The following CDIN1 variants were observed in gnomAD, a reference collection of about 807,000 sequenced individuals.
The protein encoded by CDIN1 is CDAN1-interacting nuclease 1.
A neutral mutation model predicts 45.3 loss-of-function variants in CDIN1; 33 were observed. The ratio of observed to expected loss-of-function variants is 0.73; its 90% CI spans 0.55 to 0.97. CDIN1 has a LOEUF of 0.97. Among genes scored for constraint, CDIN1 ranks in the 50% least tolerant of loss-of-function variants. CDIN1 has a pLI of 0.00. For missense variants in CDIN1, 303 were observed against 339.4 expected, an observed-to-expected ratio of 0.89 and a Z score of 0.84; for synonymous variants, 118 against 124.4, an observed-to-expected ratio of 0.95 and a Z score of 0.34.
chr15:36,618,504 A>G, intron 1 of CDIN1: 1 of 1,228,498 alleles, frequency 8.1e-7, no homozygotes, highest in Non-Finnish European at 1.2e-6. Context: ...AGCCTCCAAC[A>G]CCAAAGTTTG....
intron 10 of CDIN1, among the ~76,000 whole-genome samples, chr15:36,748,865 T>C (rs1253514494): frequency 6.6e-6 from 1 of 152,202 alleles, no homozygotes; most frequent in Non-Finnish European, 1.5e-5. Flanking sequence ...TGTAATCTCT[T>C]GAAAGGAGTT....
rs1384841216 is a variant in CDIN1 at position 36,684,852 on chromosome 15, C to G, written c.347-6833C>G. On this transcript the variant is annotated intron_variant, in intron 5 of 10. Transcript: ENST00000566621. ...AATTTATCCATTTCTTCTAGATTTT[C>G]TAGTTTATTTGCGTAGAGGTGTTTG... Among the ~76,000 whole-genome samples the G allele has an allele frequency of 2.7e-5, 4 of 149,520 alleles. No individual in the cohort carries two copies. In the East Asian group the frequency reaches 7.9e-4, roughly 30 times the overall value.
chr15:36,588,158 G>A (rs948383382), intron 1 of CDIN1, among the ~76,000 whole-genome samples: 8 of 152,114 alleles, frequency 5.3e-5, no homozygotes, highest in Non-Finnish European at 1.0e-4. Flanking sequence ...GAACATGTAA[G>A]ATTTGATTAT....
At chr15:36,771,753 C>A (rs1037670389) in intron 10 of CDIN1, among the ~76,000 whole-genome samples, 2 of 152,108 alleles carry the variant, frequency 1.3e-5, no homozygotes, top group African/African-American at 2.4e-5. Context: ...CATAGTGAAA[C>A]CCCGTCTCTA....
At chr15:36,580,837 G>A (rs2037008513) in intron 1 of CDIN1, among the ~76,000 whole-genome samples, 1 of 152,204 alleles carries the variant, frequency 6.6e-6, no homozygotes, top group African/African-American at 2.4e-5. Context: ...CACTGAGCAT[G>A]GTTATTCCTA....
intron 10 of CDIN1, among the ~76,000 whole-genome samples, chr15:36,764,452 A>C (rs895983435): frequency 1.3e-5 from 2 of 152,134 alleles, no homozygotes; most frequent in Non-Finnish European, 2.9e-5. Context: ...CTTTGGATTC[A>C]GTTTTTAAAG....
At chr15:36,644,253 T>A in intron 1 of CDIN1, 25 bp from the exon 2 acceptor site, 1 of 1,612,408 alleles carries the variant, frequency 6.2e-7, no homozygotes, top group Non-Finnish European at 8.5e-7. Flanking sequence ...AGTAATTAAC[T>A]TTGTCCTTCT....
intron 10 of CDIN1, among the ~76,000 whole-genome samples, chr15:36,805,862 T>C (rs745331244): frequency 1.3e-5 from 2 of 152,190 alleles, no homozygotes; most frequent in Non-Finnish European, 2.9e-5. Flanking sequence ...TGTCACCCTC[T>C]AAAGTCCTTA....
At chr15:36,766,981 T>G (rs937529605) in intron 10 of CDIN1, among the ~76,000 whole-genome samples, 2 of 152,212 alleles carry the variant, frequency 1.3e-5, no homozygotes, top group African/African-American at 4.8e-5. Context: ...TTACCTGTGC[T>G]TTTGGTGTCA....
intron 5 of CDIN1, among the ~76,000 whole-genome samples, chr15:36,688,460 A>G (rs1354465439): frequency 6.6e-6 from 1 of 152,156 alleles, no homozygotes; most frequent in East Asian, 1.9e-4. Flanking sequence ...AGTCTCTCCT[A>G]TTCTTGTGAA....
Position 36,692,304 on chromosome 15 carries a change from A to T in CDIN1, c.476+129A>T, listed in dbSNP as rs72706752. The T allele has an allele frequency of 5.9e-3, 4,921 of 827,694 alleles. 30 individuals carry two copies. The highest frequency in any genetic ancestry group is 7.9e-3 in the Non-Finnish European group (4,244 of 534,878). The allele number at this position is 827,694 out of a possible 1,614,324, so 51.3% of individuals were successfully genotyped here. ...TTTCATACTCTTCTATTTTACATTC[A>T]ATCAACTGGAGGGTCACTACAGACC... is the stretch of plus-strand genomic sequence containing the variant. On this transcript the variant is annotated intron_variant, in intron 7 of 10. Transcript: ENST00000566621.
chr15:36,615,054 T>C (rs1401891298), intron 1 of CDIN1, among the ~76,000 whole-genome samples: 1 of 152,226 alleles, frequency 6.6e-6, no homozygotes, highest in African/African-American at 2.4e-5. Flanking sequence ...ATTACCCTTT[T>C]CTGGGTTTGA....
At chr15:36,666,357 A>G (rs1034480007) in intron 5 of CDIN1, among the ~76,000 whole-genome samples, 9 of 152,164 alleles carry the variant, frequency 5.9e-5, no homozygotes, top group African/African-American at 1.7e-4. Flanking sequence ...TTTACAGCTA[A>G]GTTGATTAGC....
intron 5 of CDIN1, among the ~76,000 whole-genome samples, chr15:36,666,702 A>C (rs999459815): frequency 1.3e-5 from 2 of 152,168 alleles, no homozygotes; most frequent in African/African-American, 4.8e-5. Context: ...AAACTTCCCT[A>C]TTCCATGAAT....
chr15:36,708,640 C>T (rs2042952794), intron 8 of CDIN1: 2 of 151,938 alleles, frequency 1.3e-5, no homozygotes, highest in South Asian at 2.1e-4. Flanking sequence ...TTCAGAATTA[C>T]ATATTGTTAT....
intron 1 of CDIN1, among the ~76,000 whole-genome samples, chr15:36,639,315 A>T (rs1448293227): frequency 1.3e-5 from 2 of 152,294 alleles, no homozygotes; most frequent in East Asian, 1.9e-4. Context: ...TAATAAAAAT[A>T]AAAAACCAGG....
At chr15:36,682,560 G>A (rs892294853) in intron 5 of CDIN1, among the ~76,000 whole-genome samples, 1 of 149,500 alleles carries the variant, frequency 6.7e-6, no homozygotes, top group South Asian at 2.1e-4. Context: ...GATTGCTTGA[G>A]CCCAAGAGTT....
At chr15:36,690,305 G>A (rs568381506) in intron 5 of CDIN1, among the ~76,000 whole-genome samples, 66 of 149,792 alleles carry the variant, frequency 4.4e-4, no homozygotes, top group African/African-American at 1.3e-3. Flanking sequence ...GTCTCGCTCC[G>A]TTGCCCAGGC....
At chr15:36,625,326 G>T (rs970816002) in intron 1 of CDIN1, among the ~76,000 whole-genome samples, 1 of 152,054 alleles carries the variant, frequency 6.6e-6, no homozygotes, top group Admixed American at 6.6e-5. Flanking sequence ...CTGTGAAAAG[G>T]TTGGAAAGTA....
Sources: allele counts gnomAD v4.1 joint callset (sites outside exome capture counted in the v4.1 genomes callset), GRCh38; gene constraint gnomAD v4.1.1; transcripts MANE v1.5; gene names NCBI Gene and HGNC (gene_info 2026-07-23, HGNC 2026-07-21).